The following SAMD12 variants were observed in gnomAD, a reference collection of about 807,000 sequenced individuals.
SAMD12 encodes the protein sterile alpha motif domain containing 12, also known as sterile alpha motif domain-containing protein 12.
SAMD12 carries 9 observed loss-of-function variants against 15.0 expected under a neutral mutation model. That is an observed-to-expected ratio of 0.60 (90% CI 0.36 to 1.05). The LOEUF is 1.05. Ranked by LOEUF, SAMD12 falls within the 50% of genes least tolerant of loss-of-function variation. The probability of loss-of-function intolerance (pLI) is 0.01; values close to 1 mark genes in which losing one functional copy is unlikely to be tolerated. For synonymous variants in SAMD12, 86 were observed against 90.1 expected (o/e 0.96, Z 0.25); for missense variants, 230 against 234.2 (o/e 0.98, Z 0.12).
At chr8:118,348,715 T>A (rs779018038) in intron 4 of SAMD12, among the ~76,000 whole-genome samples, 10 of 152,196 alleles carry the variant, frequency 6.6e-5, no homozygotes, top group Non-Finnish European at 1.2e-4. Flanking sequence ...TATTTCCAGC[T>A]CAAGCTGTTT....
chr8:118,510,789 T>C (rs527551658), intron 2 of SAMD12, among the ~76,000 whole-genome samples: 1 of 152,334 alleles, frequency 6.6e-6, no homozygotes, highest in South Asian at 2.1e-4. Context: ...AGTTAAACAA[T>C]TATTCACAAA....
the SAMD12 span, among the ~76,000 whole-genome samples, chr8:118,174,446 C>A: frequency 6.6e-6 from 1 of 152,078 alleles, no homozygotes; most frequent in African/African-American, 2.4e-5. Flanking sequence ...TGGCATGGGT[C>A]AAGTGTATCT....
At chr8:118,398,151 C>T (rs1364949148) in intron 3 of SAMD12, among the ~76,000 whole-genome samples, 2 of 152,148 alleles carry the variant, frequency 1.3e-5, no homozygotes, top group African/African-American at 4.8e-5. Context: ...CCTATAATAC[C>T]AGCACTTTGG....
At chr8:118,213,194 C>G (rs561502968) in intron 4 of SAMD12, among the ~76,000 whole-genome samples, 1 of 152,194 alleles carries the variant, frequency 6.6e-6, no homozygotes, top group East Asian at 1.9e-4. Flanking sequence ...CTCCCTACCT[C>G]TCATTGAGAG....
chr8:118,518,801 A>C (rs1442296073), intron 2 of SAMD12, among the ~76,000 whole-genome samples: 2 of 152,178 alleles, frequency 1.3e-5, no homozygotes, highest in Admixed American at 6.5e-5. Context: ...TCTTTCTGAG[A>C]TATCCAAACT....
intron 4 of SAMD12, among the ~76,000 whole-genome samples, chr8:118,328,370 C>T (rs1816657832): frequency 6.6e-6 from 1 of 152,168 alleles, no homozygotes; most frequent in Non-Finnish European, 1.5e-5. Flanking sequence ...CCTGGTTTTT[C>T]AATTCTGTTT....
chr8:118,200,047 T>C (rs1405499592), intron 4 of SAMD12, among the ~76,000 whole-genome samples: 1 of 152,128 alleles, frequency 6.6e-6, no homozygotes, highest in African/African-American at 2.4e-5. Context: ...TCTCATGAGA[T>C]CTGATGGTTT....
chr8:118,155,365 G>C, the SAMD12 span, among the ~76,000 whole-genome samples: 1 of 152,132 alleles, frequency 6.6e-6, no homozygotes, highest in Non-Finnish European at 1.5e-5. Flanking sequence ...GTGTTTTTGG[G>C]GGGGTGGGCC....
At chr8:118,466,283 T>G (rs1823592037) in intron 2 of SAMD12, among the ~76,000 whole-genome samples, 1 of 152,158 alleles carries the variant, frequency 6.6e-6, no homozygotes, top group African/African-American at 2.4e-5. Flanking sequence ...AAGACAAACT[T>G]AAAGCCATGT....
chr8:118,390,019 T>A (rs370406674), intron 3 of SAMD12, among the ~76,000 whole-genome samples: 16 of 152,198 alleles, frequency 1.1e-4, no homozygotes, highest in African/African-American at 3.6e-4. Flanking sequence ...TTTAACTTTT[T>A]TTTTTGAGAT....
At chr8:118,440,057 G>A in intron 2 of SAMD12, 96 bp from the exon 3 acceptor site, 1 of 1,218,470 alleles carries the variant, frequency 8.2e-7, no homozygotes. Flanking sequence ...CTACAGACTG[G>A]ATTCCCTGAA....
intron 4 of SAMD12, among the ~76,000 whole-genome samples, chr8:118,361,410 T>C (rs1261022535): frequency 1.3e-5 from 2 of 152,206 alleles, no homozygotes; most frequent in African/African-American, 4.8e-5. Flanking sequence ...AGCTGTTCAA[T>C]GAGTGAATGA....
At chr8:118,264,256 T>C (rs948573991) in intron 4 of SAMD12, among the ~76,000 whole-genome samples, 6 of 152,094 alleles carry the variant, frequency 3.9e-5, no homozygotes, top group African/African-American at 1.4e-4. Flanking sequence ...CCTCCACCTC[T>C]CTCTGTCCTT....
rs1015788382 is a variant in SAMD12, at chr8:118,606,209, G to A, written c.13+15595C>T. On this transcript the variant is annotated intron_variant, in intron 1 of 3. Transcript: ENST00000314727. ...CATCCATAATTTAAGAAACATTCTCGATCCCTTTTAATATCCCATTTGCAA... is the reference window on the plus strand; with the variant it reads ...CATCCATAATTTAAGAAACATTCTCAATCCCTTTTAATATCCCATTTGCAA... 2.0e-5 allele frequency among the ~76,000 whole-genome samples: 3 copies of A among 151,950 alleles called. No individual in the cohort carries two copies. The East Asian group carries it at 5.8e-4, about 29-fold the overall frequency.
chr8:118,440,683 CACACACACACACAA>C (rs1274726430), intron 2 of SAMD12, among the ~76,000 whole-genome samples: 42 of 148,828 alleles, frequency 2.8e-4, no homozygotes, highest in Middle Eastern at 6.9e-3. Flanking sequence ...CACACACACA[CACACACACACACAA>C]ACACACACAC....
At chr8:118,510,860 C>T (rs995871660) in intron 2 of SAMD12, among the ~76,000 whole-genome samples, 3 of 152,140 alleles carry the variant, frequency 2.0e-5, no homozygotes, top group South Asian at 2.1e-4. Context: ...TATTAAGTAG[C>T]GAGAATGCAT....
rs1554643154 is a variant in SAMD12, at chr8:118,366,812, CAAATA to C, written c.433+12743_433+12747del. Among the ~76,000 whole-genome samples the C allele has an allele frequency of 8.1e-3, 629 of 77,932 alleles. 6 individuals carry two copies. Among genetic ancestry groups the C allele is most frequent in the South Asian group, 0.022 (50 of 2,302 alleles). 51.1% of individuals were successfully genotyped at this position (77,932 alleles called of 152,430 possible). A position where few individuals can be genotyped will look rare whatever the true frequency, so the allele number is the denominator to read the frequency against. Reference sequence around the variant, plus strand: ...GGGCAACAAGAGTGAAACTCTGTCTCAAATAAAATAAAATAAAATAAAATAAAATA... The same window carrying C: ...GGGCAACAAGAGTGAAACTCTGTCTCAAATAAAATAAAATAAAATAAAATA... On this transcript the variant is annotated intron_variant, in intron 4 of 4. Transcript: ENST00000409003.
chr8:118,472,027 C>T lies in SAMD12; in HGVS notation c.193-32066G>A, dbSNP rs184336464. On this transcript the variant is annotated intron_variant, in intron 2 of 3. Coordinates refer to ENST00000314727, the MANE Select transcript of SAMD12 (RefSeq NM_207506.3). The stretch of plus-strand genomic sequence containing the variant: ...AATAGGCCGGGCGCGGTGGCTCACG[C>T]CTGTAATCCCAGCACTTTGGGAGGC... Among the ~76,000 whole-genome samples, 1,168 of 151,924 alleles carry T rather than the reference C, an allele frequency of 7.7e-3. 6 individuals carry two copies. Among genetic ancestry groups the T allele is most frequent in the Middle Eastern group, 0.01 (3 of 294 alleles).
chr8:118,140,706 A>T, the SAMD12 span, among the ~76,000 whole-genome samples: 3,168 of 152,246 alleles, frequency 0.021, 111 homozygotes, highest in African/African-American at 0.068. Flanking sequence ...GCTCTTCTAC[A>T]TTTTCTAGCC....
Sources: allele counts gnomAD v4.1 joint callset (sites outside exome capture counted in the v4.1 genomes callset), GRCh38; gene constraint gnomAD v4.1.1; transcripts MANE v1.5; gene names NCBI Gene and HGNC (gene_info 2026-07-23, HGNC 2026-07-21).